Variants in AKAP7 observed in about 807,000 individuals in gnomAD.
AKAP7 encodes A kinase (PRKA) anchor protein 7.
A neutral mutation model predicts 39.5 loss-of-function variants in AKAP7; 39 were observed. The ratio of observed to expected loss-of-function variants is 0.99; its 90% CI spans 0.76 to 1.29. AKAP7 has a LOEUF of 1.29. Among genes scored for constraint, AKAP7 ranks in the 50% most tolerant of loss-of-function variants. AKAP7 has a pLI of 0.00. For missense variants in AKAP7, 414 were observed against 407.7 expected (o/e 1.02, Z -0.13); for synonymous variants, 140 against 139.1 (o/e 1.01, Z -0.05).
At chr6:131,238,582 G>A (rs1385128649) in intron 7 of AKAP7, among the ~76,000 whole-genome samples, 3 of 152,158 alleles carry the variant, frequency 2.0e-5, no homozygotes, top group Non-Finnish European at 2.9e-5. Flanking sequence ...TTATGAATCT[G>A]GGTGCTCCCA....
chr6:131,244,623 G>T (rs1408049705), intron 7 of AKAP7, among the ~76,000 whole-genome samples: 1 of 152,176 alleles, frequency 6.6e-6, no homozygotes. Context: ...CACACACATA[G>T]AAAAGAACTG....
intron 5 of AKAP7, among the ~76,000 whole-genome samples, chr6:131,188,801 C>A (rs1426767684): frequency 6.6e-6 from 1 of 151,688 alleles, no homozygotes; most frequent in African/African-American, 2.4e-5. Context: ...AATTCTCCCT[C>A]CTTGGCCTCC....
intron 7 of AKAP7, among the ~76,000 whole-genome samples, chr6:131,273,659 T>G (rs1468020393): frequency 1.3e-5 from 2 of 152,196 alleles, no homozygotes; most frequent in Admixed American, 1.3e-4. Context: ...TATTTTATAA[T>G]ACCCACTTAA....
chr6:131,269,963 C>T (rs1814134729), intron 7 of AKAP7, among the ~76,000 whole-genome samples: 1 of 152,138 alleles, frequency 6.6e-6, no homozygotes, highest in Non-Finnish European at 1.5e-5. Flanking sequence ...TCATCATTAC[C>T]AGCCACATGC....
chr6:131,186,215 G>A (rs1805842516), intron 5 of AKAP7, among the ~76,000 whole-genome samples: 1 of 152,120 alleles, frequency 6.6e-6, no homozygotes, highest in African/African-American at 2.4e-5. Flanking sequence ...GTTCTTGTGA[G>A]ATCTGGTCAT....
In AKAP7 at chr6:131,169,351, C is replaced by T. The variant is rs553459043; in HGVS notation, c.589+78C>T. ...TTTCAATTTTGTAACAGAGACTTGACATTTTTAAATTTTAAAAGATGATGG... is the reference window on the plus strand; with the variant it reads ...TTTCAATTTTGTAACAGAGACTTGATATTTTTAAATTTTAAAAGATGATGG... On this transcript the variant is annotated intron_variant, in intron 5 of 7. Coordinates refer to ENST00000431975, the MANE Select transcript of AKAP7 (RefSeq NM_016377.4). 2.0e-5 allele frequency: 30 copies of T among 1,498,366 alleles called. No individual in the cohort carries two copies. In the East Asian group the frequency reaches 2.3e-4, roughly 11 times the overall value. 92.8% of individuals were successfully genotyped at this position (1,498,366 alleles called of 1,614,324 possible).
chr6:131,266,194 C>T (rs189605660), intron 7 of AKAP7, among the ~76,000 whole-genome samples: 3 of 152,282 alleles, frequency 2.0e-5, no homozygotes, highest in Non-Finnish European at 4.4e-5. Flanking sequence ...ATCATCGCCT[C>T]GGTTCCCTGC....
chr6:131,184,601 A>G, intron 5 of AKAP7: 2 of 738,680 alleles, frequency 2.7e-6, no homozygotes, highest in South Asian at 1.5e-5. Context: ...TGCCCTGAGC[A>G]GCCACAGTCG....
chr6:131,239,659 A>G (rs1416505025), intron 7 of AKAP7, among the ~76,000 whole-genome samples: 1 of 151,898 alleles, frequency 6.6e-6, no homozygotes, highest in Non-Finnish European at 1.5e-5. Flanking sequence ...CATTCATTTG[A>G]TCTTCCATCA....
upstream of AKAP7, among the ~76,000 whole-genome samples, chr6:131,132,181 C>T: frequency 6.6e-6 from 1 of 152,016 alleles, no homozygotes; most frequent in Non-Finnish European, 1.5e-5. Context: ...GGCGTGGTGG[C>T]GGGCGCCTGT....
At chr6:131,176,553 T>C (rs1804601232) in intron 5 of AKAP7, among the ~76,000 whole-genome samples, 1 of 151,148 alleles carries the variant, frequency 6.6e-6, no homozygotes, top group Non-Finnish European at 1.5e-5. Flanking sequence ...TTGCAAAACT[T>C]TTTTTTTTAA....
chr6:131,270,845 A>G (rs6941218), intron 7 of AKAP7, among the ~76,000 whole-genome samples: 236 of 152,246 alleles, frequency 1.6e-3, no homozygotes, highest in African/African-American at 5.3e-3. Context: ...GTCTTTTTAC[A>G]TGTTTATCGA....
rs138857780 is a variant in AKAP7 at position 131,269,002 on chromosome 6, A to G, written c.851-12528A>G. Among the ~76,000 whole-genome samples the G allele has an allele frequency of 2.6e-3, 403 of 152,360 alleles. 1 individual carries two copies. Among genetic ancestry groups the G allele is most frequent in the Non-Finnish European group, 2.5e-3 (172 of 68,034 alleles). ...TCTTTGTCATAAAAATAATTTTTCA[A>G]TGATAGACATACTTCTGTTGACACT... On this transcript the variant is annotated intron_variant, in intron 7 of 7. Coordinates refer to ENST00000431975, the MANE Select transcript of AKAP7 (RefSeq NM_016377.4).
intron 5 of AKAP7, among the ~76,000 whole-genome samples, chr6:131,176,568 A>G (rs980486477): frequency 1.3e-5 from 2 of 152,134 alleles, no homozygotes; most frequent in Admixed American, 1.3e-4. Flanking sequence ...TTTTAAATAG[A>G]AAAGTGCCCT....
chr6:131,241,627 G>GTGTGTGTGTGTATATATATATA lies in AKAP7; in HGVS notation c.850+21820_850+21821insGTGTGTGTGTATATATATATAT. On this transcript the variant is annotated intron_variant, in intron 7 of 7. Transcript: ENST00000431975. ...TGTGTGTGTGTGTGTGTGTGTGTGT[G>GTGTGTGTGTGTATATATATATA]TATATATATATGACAGTTATAGGAT... Among the ~76,000 whole-genome samples the GTGTGTGTGTGTATATATATATA allele has an allele frequency of 1.4e-4, 12 of 86,670 alleles. 1 individual carries two copies. The highest frequency in any genetic ancestry group is 6.0e-4 in the African/African-American group (12 of 20,054). 56.9% of individuals were successfully genotyped at this position (86,670 alleles called of 152,430 possible). A position where few individuals can be genotyped will look rare whatever the true frequency, so the allele number is the denominator to read the frequency against.
In AKAP7 at chr6:131,282,226, AGT is replaced by A. The variant is rs3836929; in HGVS notation, c.*504_*505del. On this transcript the variant is annotated 3_prime_UTR_variant, in exon 8 of 8. Transcript: ENST00000431975. ...TGTCCTAAGTGTGCTGTTGCTATGC[AGT>A]GTGATCTTTATTTATAGTAAATTAT... 0.023 allele frequency: 30,923 copies of A among 1,335,430 alleles called. 3,131 individuals are homozygous for A. The African/African-American group carries it at 0.25, about 11-fold the overall frequency. 82.7% of individuals were successfully genotyped at this position (1,335,430 alleles called of 1,614,324 possible). A position where few individuals can be genotyped will look rare whatever the true frequency, so the allele number is the denominator to read the frequency against.
At chr6:131,252,910 A>T in intron 7 of AKAP7, 1 of 888,400 alleles carries the variant, frequency 1.1e-6, no homozygotes, top group Non-Finnish European at 1.8e-6. Flanking sequence ...GTGAATACTC[A>T]CTTCTTCTAA....
chr6:131,203,322 A>G (rs1391912721), intron 6 of AKAP7, among the ~76,000 whole-genome samples: 1 of 152,092 alleles, frequency 6.6e-6, no homozygotes, highest in African/African-American at 2.4e-5. Flanking sequence ...TTTGTTCTGA[A>G]TCCATCCATT....
intron 5 of AKAP7, among the ~76,000 whole-genome samples, chr6:131,188,273 G>A (rs1806060769): frequency 6.6e-6 from 1 of 152,104 alleles, no homozygotes; most frequent in South Asian, 2.1e-4. Context: ...GTCTAAAATG[G>A]AACTGTTTAA....
Sources: gnomAD v4.1 joint callset for allele counts (sites outside exome capture counted in the v4.1 genomes callset) on GRCh38, gnomAD v4.1.1 for gene constraint, MANE v1.5 for transcripts, NCBI Gene and HGNC (gene_info 2026-07-23, HGNC 2026-07-21) for gene names.